CSMD1: variants seen among roughly 807,000 people sequenced by gnomAD.
CSMD1 encodes CUB and sushi domain-containing protein 1.
A neutral mutation model predicts 417.5 loss-of-function variants in CSMD1; 213 were observed. The observed-to-expected ratio is 0.51, with a 90% CI of 0.46 to 0.57. CSMD1 has a LOEUF of 0.57. Among genes scored for constraint, CSMD1 ranks in the 20% least tolerant of loss-of-function variants. CSMD1 has a pLI of 0.00. For missense variants in CSMD1, 6,923 were observed against 4,529.7 expected (o/e 1.53, Z -15.17); for synonymous variants, 2,862 against 1,736.8 (o/e 1.65, Z -16.11).
chr8:3,854,528 G>T (rs1366014971), intron 5 of CSMD1, among the ~76,000 whole-genome samples: 1 of 152,002 alleles, frequency 6.6e-6, no homozygotes, highest in East Asian at 1.9e-4. Context: ...TTAACTGCAC[G>T]GGTTATGGGC....
chr8:4,726,158 A>G (rs930515760), intron 1 of CSMD1, among the ~76,000 whole-genome samples: 5 of 152,232 alleles, frequency 3.3e-5, no homozygotes, highest in Non-Finnish European at 7.4e-5. Context: ...ATCCAGATGA[A>G]TACAAAACCT....
chr8:4,189,947 A>ATT (rs1298782171), intron 3 of CSMD1, among the ~76,000 whole-genome samples: 4 of 151,654 alleles, frequency 2.6e-5, no homozygotes, highest in Admixed American at 6.6e-5. Flanking sequence ...AAAAGCAGAG[A>ATT]GCATAGTGTA....
At position 4,177,494 on chromosome 8, in the gene CSMD1, G is replaced by C. The variant is rs1405367929; in HGVS notation, c.416-145395C>G. Among the ~76,000 whole-genome samples the C allele has an allele frequency of 5.9e-5, 9 of 152,156 alleles. No individual in the cohort carries two copies. In the East Asian group the frequency reaches 1.4e-3, roughly 23 times the overall value. On this transcript the variant is annotated intron_variant, in intron 3 of 69. Transcript: ENST00000635120. ...GAGAAAGTAGGAAAGATCCAAAATT[G>C]ACACCCGAACATCACAATTAAAAGA...
intron 52 of CSMD1, among the ~76,000 whole-genome samples, chr8:3,015,909 G>T (rs547889278): frequency 2.0e-5 from 3 of 152,182 alleles, no homozygotes; most frequent in African/African-American, 7.2e-5. Context: ...AAGGCACAAA[G>T]ACCCTTGCAC....
At chr8:3,479,493 T>C (rs1200016306) in intron 11 of CSMD1, among the ~76,000 whole-genome samples, 6 of 152,160 alleles carry the variant, frequency 3.9e-5, no homozygotes, top group African/African-American at 1.2e-4. Flanking sequence ...TTGGTCATGC[T>C]AGTCTTGAAC....
At chr8:3,882,567 A>T (rs1806278418) in intron 5 of CSMD1, among the ~76,000 whole-genome samples, 1 of 152,166 alleles carries the variant, frequency 6.6e-6, no homozygotes, top group African/African-American at 2.4e-5. Flanking sequence ...TATACCCAAT[A>T]TTCACCCAAG....
At chr8:3,282,736 T>C (rs538997413) in intron 26 of CSMD1, among the ~76,000 whole-genome samples, 32 of 152,182 alleles carry the variant, frequency 2.1e-4, no homozygotes, top group African/African-American at 4.8e-4. Context: ...AGGTAAGAAA[T>C]TGTGCAGACT....
At chr8:2,994,031 A>T (rs1175793917) in intron 54 of CSMD1, among the ~76,000 whole-genome samples, 1 of 150,548 alleles carries the variant, frequency 6.6e-6, no homozygotes, top group Non-Finnish European at 1.5e-5. Flanking sequence ...GCACAATCCC[A>T]GCTACTTGAG....
chr8:3,138,031 C>A (rs1457554787), intron 41 of CSMD1, among the ~76,000 whole-genome samples: 4 of 152,136 alleles, frequency 2.6e-5, no homozygotes, highest in African/African-American at 9.7e-5. Context: ...TCGAGACCAA[C>A]CTGGCCAACA....
In CSMD1 at chr8:3,848,899, T is replaced by C. The variant is rs73661003; in HGVS notation, c.819-94857A>G. On this transcript the variant is annotated intron_variant, in intron 5 of 69. Coordinates refer to ENST00000635120, the MANE Select transcript of CSMD1 (RefSeq NM_033225.6). ...ATGCTAAAGAGTGATATAAAGAAGA[T>C]ACATATCTAGATATCATATACATAT... 3.1e-3 allele frequency among the ~76,000 whole-genome samples: 476 copies of C among 151,418 alleles called. 5 individuals are homozygous for C. Among genetic ancestry groups the C allele is most frequent in the African/African-American group, 1.0e-2 (411 of 41,262 alleles).
chr8:4,460,254 G>A (rs769749205), intron 2 of CSMD1, among the ~76,000 whole-genome samples: 2 of 152,030 alleles, frequency 1.3e-5, no homozygotes, highest in African/African-American at 4.8e-5. Flanking sequence ...AGGAGTTAAA[G>A]AAATCACTAG....
At chr8:3,271,089 C>G (rs1205864902) in intron 26 of CSMD1, among the ~76,000 whole-genome samples, 2 of 126,266 alleles carry the variant, frequency 1.6e-5, no homozygotes, top group Admixed American at 1.7e-4. Context: ...TCCCCCCACC[C>G]CACAACAGTC....
intron 49 of CSMD1, among the ~76,000 whole-genome samples, chr8:3,086,604 T>G (rs1814549950): frequency 1.3e-5 from 2 of 152,134 alleles, no homozygotes; most frequent in African/African-American, 4.8e-5. Context: ...AACCTGATTT[T>G]TATGCACATG....
chr8:3,031,066 T>A (rs1215594998), intron 50 of CSMD1, among the ~76,000 whole-genome samples: 3 of 152,136 alleles, frequency 2.0e-5, no homozygotes, highest in East Asian at 3.9e-4. Context: ...TTTAACCTAA[T>A]GATAAAAATA....
intron 3 of CSMD1, among the ~76,000 whole-genome samples, chr8:4,073,911 G>C (rs778834879): frequency 2.0e-5 from 3 of 151,978 alleles, no homozygotes; most frequent in Non-Finnish European, 1.5e-5. Context: ...ATTTCAAGTA[G>C]TCTTAATCTA....
At chr8:4,274,019 C>G (rs1201002812) in intron 3 of CSMD1, among the ~76,000 whole-genome samples, 1 of 152,034 alleles carries the variant, frequency 6.6e-6, no homozygotes, top group Non-Finnish European at 1.5e-5. Context: ...TCAGCATATT[C>G]TATGTCACTT....
chr8:3,792,186 G>C (rs7006333), intron 5 of CSMD1, among the ~76,000 whole-genome samples: 49,556 of 151,940 alleles, frequency 0.33, 8,830 homozygotes, highest in East Asian at 0.42. Context: ...CCCAGCTACA[G>C]GGGAGGCTGA....
chr8:3,388,963 T>C (rs1811181786), intron 17 of CSMD1, among the ~76,000 whole-genome samples: 3 of 151,784 alleles, frequency 2.0e-5, no homozygotes, highest in South Asian at 4.2e-4. Flanking sequence ...AGGCATTGTT[T>C]ATGACTTCTT....
intron 5 of CSMD1, among the ~76,000 whole-genome samples, chr8:3,892,759 T>C (rs559828957): frequency 4.1e-4 from 60 of 148,054 alleles, no homozygotes; most frequent in African/African-American, 1.5e-3. Flanking sequence ...ATTATGAAGT[T>C]ATTGCTAGCC....
Sources: allele counts gnomAD v4.1 joint callset (sites outside exome capture counted in the v4.1 genomes callset), GRCh38; gene constraint gnomAD v4.1.1; transcripts MANE v1.5; gene names NCBI Gene and HGNC (gene_info 2026-07-23, HGNC 2026-07-21).